Variants in TRAPPC9 observed in about 807,000 individuals in gnomAD.
The protein encoded by TRAPPC9 is trafficking protein particle complex subunit 9.
A neutral mutation model predicts 124.0 loss-of-function variants in TRAPPC9; 83 were observed. That is an observed-to-expected ratio of 0.67 (90% CI 0.56 to 0.80). The LOEUF (loss-of-function observed/expected upper bound fraction) is 0.80. Among genes scored for constraint, TRAPPC9 ranks in the 30% least tolerant of loss-of-function variants. The pLI, the probability that TRAPPC9 is intolerant of heterozygous loss-of-function variation, is 0.00. For missense variants in TRAPPC9, 1,302 were observed against 1,508.3 expected (o/e 0.86, Z 2.27); for synonymous variants, 638 against 617.5 (o/e 1.03, Z -0.49).
chr8:140,036,258 G>A (rs1424329896), intron 17 of TRAPPC9, among the ~76,000 whole-genome samples: 2 of 152,090 alleles, frequency 1.3e-5, no homozygotes, highest in Non-Finnish European at 2.9e-5. Flanking sequence ...GCTGCAACAT[G>A]GAAGACAGAC....
At chr8:140,259,509 C>T (rs1233486268) in intron 15 of TRAPPC9, among the ~76,000 whole-genome samples, 2 of 152,298 alleles carry the variant, frequency 1.3e-5, no homozygotes, top group East Asian at 1.9e-4. Flanking sequence ...GGCTATCCTT[C>T]GATAAGTTAC....
At chr8:139,967,905 G>T (rs921015939) in intron 19 of TRAPPC9, among the ~76,000 whole-genome samples, 22 of 152,220 alleles carry the variant, frequency 1.4e-4, no homozygotes, top group African/African-American at 5.3e-4. Context: ...TTGGGAGGCC[G>T]AGGCGGGCGG....
intron 19 of TRAPPC9, among the ~76,000 whole-genome samples, chr8:139,980,539 A>G (rs1214103439): frequency 1.3e-5 from 2 of 152,242 alleles, no homozygotes; most frequent in Admixed American, 6.5e-5. Flanking sequence ...ACAAAGGGGC[A>G]CCAGGAGGTA....
rs182413759 is a variant in TRAPPC9 at position 140,283,493 on chromosome 8, T to C, written c.2114+396A>G. Among the ~76,000 whole-genome samples, 1,106 of 150,996 alleles carry C rather than the reference T, an allele frequency of 7.3e-3. 11 individuals are homozygous for C. The highest frequency in any genetic ancestry group is 0.025 in the African/African-American group (1,030 of 41,226). On this transcript the variant is annotated intron_variant, in intron 14 of 22. Coordinates refer to ENST00000438773, the MANE Select transcript of TRAPPC9 (RefSeq NM_001160372.4). ...TTTTTATTTTTAGTAGAGACGGGGT[T>C]TCACCGTGTTAGCCAGGATGGTCTC...
At chr8:140,146,893 G>A (rs1448149590) in intron 17 of TRAPPC9, among the ~76,000 whole-genome samples, 1 of 148,356 alleles carries the variant, frequency 6.7e-6, no homozygotes, top group Non-Finnish European at 1.5e-5. Flanking sequence ...AGGGAAAAGA[G>A]CACTTATTTT....
chr8:139,892,133 C>T (rs753469735), intron 20 of TRAPPC9, among the ~76,000 whole-genome samples: 11 of 152,250 alleles, frequency 7.2e-5, no homozygotes, highest in Non-Finnish European at 1.0e-4. Flanking sequence ...CCCCGAGTCC[C>T]GCACAAAGGC....
At chr8:140,027,073 G>T (rs1027532101) in intron 17 of TRAPPC9, among the ~76,000 whole-genome samples, 2 of 152,142 alleles carry the variant, frequency 1.3e-5, no homozygotes, top group African/African-American at 4.8e-5. Context: ...AAGTCTTTCT[G>T]TCAAAACTTT....
intron 17 of TRAPPC9, among the ~76,000 whole-genome samples, chr8:140,042,361 A>T (rs976971841): frequency 7.2e-5 from 11 of 152,174 alleles, no homozygotes; most frequent in Non-Finnish European, 1.6e-4. Context: ...CTAACAAATC[A>T]AGTCTTCCAG....
chr8:140,441,666 G>A (rs2071020403), intron 2 of TRAPPC9, among the ~76,000 whole-genome samples: 1 of 151,898 alleles, frequency 6.6e-6, no homozygotes, highest in Non-Finnish European at 1.5e-5. Flanking sequence ...AAAGGCTCAG[G>A]TGATCCTCCC....
intron 17 of TRAPPC9, among the ~76,000 whole-genome samples, chr8:140,102,668 A>T (rs2060600120): frequency 6.6e-6 from 1 of 152,198 alleles, no homozygotes; most frequent in Admixed American, 6.5e-5. Flanking sequence ...GAGTAGGTTG[A>T]AGGGAAGACA....
At chr8:140,389,842 CA>C (rs397971049) in intron 7 of TRAPPC9, among the ~76,000 whole-genome samples, 1,521 of 92,494 alleles carry the variant, frequency 0.016, 8 homozygotes, top group Admixed American at 0.025. Context: ...CAACAATAAC[CA>C]AAAAAAAAAA....
chr8:139,786,180 C>T (rs1257086303), intron 21 of TRAPPC9, among the ~76,000 whole-genome samples: 1 of 152,180 alleles, frequency 6.6e-6, no homozygotes, highest in Non-Finnish European at 1.5e-5. Flanking sequence ...CGCACTCCAG[C>T]CTGGGTGACA....
At chr8:140,102,783 C>T (rs1282226367) in intron 17 of TRAPPC9, among the ~76,000 whole-genome samples, 1 of 152,090 alleles carries the variant, frequency 6.6e-6, no homozygotes, top group African/African-American at 2.4e-5. Flanking sequence ...ACATGGCTGC[C>T]TCTTGCACAT....
chr8:139,912,958 G>C (rs1831845947), intron 19 of TRAPPC9, among the ~76,000 whole-genome samples: 1 of 152,208 alleles, frequency 6.6e-6, no homozygotes, highest in Non-Finnish European at 1.5e-5. Flanking sequence ...TAAGTTCACT[G>C]CTTGATAATC....
intron 19 of TRAPPC9, among the ~76,000 whole-genome samples, chr8:139,929,437 TA>T (rs928720068): frequency 1.1e-3 from 156 of 144,864 alleles, no homozygotes; most frequent in African/African-American, 3.8e-3. Context: ...AGGCTTACAA[TA>T]AAAAAAAAGG....
intron 21 of TRAPPC9, among the ~76,000 whole-genome samples, chr8:139,805,679 G>A (rs1374813781): frequency 6.6e-6 from 1 of 152,156 alleles, no homozygotes. Flanking sequence ...CACAAGAGGA[G>A]TTATAAAAGG....
chr8:140,405,807 T>A, intron 5 of TRAPPC9, 109 bp from the exon 6 acceptor site: 1 of 1,255,694 alleles, frequency 8.0e-7, no homozygotes, highest in African/African-American at 1.5e-5. Context: ...TACTGAAATT[T>A]AAATAATGTA....
intron 19 of TRAPPC9, among the ~76,000 whole-genome samples, chr8:139,925,827 G>GCACGCA (rs1554673868): frequency 4.4e-5 from 3 of 68,756 alleles, no homozygotes; most frequent in African/African-American, 1.2e-4. Context: ...ACACGCACAC[G>GCACGCA]CACACACACA....
rs186541493 is a variant in TRAPPC9, at chr8:140,423,532, T to C, written c.886+3083A>G. On this transcript the variant is annotated intron_variant, in intron 5 of 22. Transcript: ENST00000438773. ...CATAATAGCCAAAAGGTACAAATGATACAAATGTCCATCAACTGATGGAAT... is the reference window on the plus strand; with the variant it reads ...CATAATAGCCAAAAGGTACAAATGACACAAATGTCCATCAACTGATGGAAT... Among the ~76,000 whole-genome samples, 7 of 151,486 alleles carry C rather than the reference T, an allele frequency of 4.6e-5. No individual in the cohort carries two copies. In the East Asian group the frequency reaches 1.4e-3, roughly 29 times the overall value.
Sources: allele counts gnomAD v4.1 joint callset (sites outside exome capture counted in the v4.1 genomes callset), GRCh38; gene constraint gnomAD v4.1.1; transcripts MANE v1.5; gene names NCBI Gene and HGNC (gene_info 2026-07-23, HGNC 2026-07-21).